SCUBE1: variants seen among roughly 807,000 people sequenced by gnomAD.
SCUBE1 encodes the protein signal peptide, CUB domain and EGF like domain containing 1, also known as signal peptide, CUB and EGF-like domain-containing protein 1.
In SCUBE1, 59 loss-of-function variants were observed where a neutral mutation model predicts 124.4. The observed-to-expected ratio is 0.47, with a 90% CI of 0.38 to 0.59. The LOEUF (loss-of-function observed/expected upper bound fraction) is 0.59. Among genes scored for constraint, SCUBE1 ranks in the 20% least tolerant of loss-of-function variants. The pLI is 0.00. For missense variants in SCUBE1, 1,150 were observed against 1,371.2 expected (o/e 0.84, Z 2.55); for synonymous variants, 545 against 550.9 (o/e 0.99, Z 0.15).
intron 3 of SCUBE1, among the ~76,000 whole-genome samples, chr22:43,316,631 C>T (rs1358579500): frequency 6.6e-6 from 1 of 152,178 alleles, no homozygotes; most frequent in Non-Finnish European, 1.5e-5. Context: ...AGGAGCTGAG[C>T]CTCAGGGGCT....
At chr22:43,222,819 G>A (rs1922152269) in intron 11 of SCUBE1, 77 bp from the exon 12 acceptor site, 4 of 1,178,846 alleles carry the variant, frequency 3.4e-6, no homozygotes, top group Non-Finnish European at 4.9e-6. Context: ...GGCCTCAGAG[G>A]GATTGTGGAG....
At chr22:43,249,212 T>G (rs1923338726) in intron 6 of SCUBE1, among the ~76,000 whole-genome samples, 1 of 149,462 alleles carries the variant, frequency 6.7e-6, no homozygotes, top group Non-Finnish European at 1.5e-5. Flanking sequence ...CAGGAGTGGG[T>G]GAATGTGCGG....
intron 4 of SCUBE1, among the ~76,000 whole-genome samples, chr22:43,276,839 A>G (rs1000558496): frequency 9.2e-5 from 14 of 151,922 alleles, no homozygotes; most frequent in African/African-American, 3.4e-4. Flanking sequence ...CTGCTACTTC[A>G]CTCTAGAACA....
intron 3 of SCUBE1, among the ~76,000 whole-genome samples, chr22:43,303,286 G>C (rs2269667): frequency 6.6e-6 from 1 of 152,150 alleles, no homozygotes; most frequent in Non-Finnish European, 1.5e-5. Flanking sequence ...GTATCCTTGA[G>C]CGTGAGCGTC....
intron 2 of SCUBE1, among the ~76,000 whole-genome samples, chr22:43,333,961 T>C (rs1926980782): frequency 2.6e-5 from 4 of 152,218 alleles, no homozygotes; most frequent in Admixed American, 2.6e-4. Context: ...GGGGAGAATG[T>C]GGCAGCCATG....
At chr22:43,232,472 A>C (rs1292644321) in intron 7 of SCUBE1, 2 of 154,204 alleles carry the variant, frequency 1.3e-5, no homozygotes, top group African/African-American at 4.8e-5. Context: ...TGAGGAGTAG[A>C]CTGAGGCTTA....
intron 6 of SCUBE1, among the ~76,000 whole-genome samples, chr22:43,247,296 A>G (rs2146694708): frequency 6.6e-6 from 1 of 152,306 alleles, no homozygotes; most frequent in Admixed American, 6.5e-5. Context: ...TAAATGAGAA[A>G]CTGAAGCTCA....
chr22:43,259,017 T>C (rs958929524), intron 5 of SCUBE1, among the ~76,000 whole-genome samples: 1 of 152,250 alleles, frequency 6.6e-6, no homozygotes, highest in African/African-American at 2.4e-5. Context: ...GCCTGTGGCC[T>C]GGAGGATCTG....
intron 3 of SCUBE1, among the ~76,000 whole-genome samples, chr22:43,306,728 C>A (rs953547646): frequency 1.3e-5 from 2 of 152,196 alleles, no homozygotes; most frequent in African/African-American, 4.8e-5. Flanking sequence ...GGAACACCAG[C>A]ATGCCCCTTT....
chr22:43,243,296 G>GC (rs1197361574), intron 6 of SCUBE1, among the ~76,000 whole-genome samples: 1 of 152,250 alleles, frequency 6.6e-6, no homozygotes, highest in African/African-American at 2.4e-5. Context: ...CTGGTGGGGA[G>GC]AGCGCTCACC....
At chr22:43,289,712 G>A (rs1347889211) in intron 4 of SCUBE1, among the ~76,000 whole-genome samples, 3 of 152,206 alleles carry the variant, frequency 2.0e-5, no homozygotes, top group African/African-American at 4.8e-5. Context: ...ATCTCTGAAC[G>A]CCCTGCCGGG....
chr22:43,211,042 G>A lies in SCUBE1; in HGVS notation c.2263C>T (p.Arg755Cys), dbSNP rs1300232691. The A allele has an allele frequency of 7.4e-6, 12 of 1,613,718 alleles. No homozygotes were observed. The Middle Eastern group carries it at 1.3e-3, about 177-fold the overall frequency. ...PGHHYNTTTH[R>C]CIRCPVGTYQ... is the part of the protein sequence containing the mutation. ...GTGCCGACGGGGCAGCGGATGCAGCGGTGGGTGGTGGTGTTGTAGTGGTGG... is the reference window on the plus strand; with the variant it reads ...GTGCCGACGGGGCAGCGGATGCAGCAGTGGGTGGTGGTGTTGTAGTGGTGG... Residue 755 changes from arginine to cysteine, a missense_variant, in exon 18 of 22, where the codon CGC (arginine) becomes TGC (cysteine). Transcript: ENST00000360835. The surrounding 1 kb of genome is among the most constrained non-coding windows in gnomAD (Gnocchi z 4.5).
intron 2 of SCUBE1, among the ~76,000 whole-genome samples, chr22:43,325,935 T>G (rs967334605): frequency 2.0e-5 from 3 of 151,584 alleles, no homozygotes; most frequent in Non-Finnish European, 4.4e-5. Flanking sequence ...GTGAGGTGTT[T>G]TTTTTTTTTT....
chr22:43,211,102 C>T lies in SCUBE1; in HGVS notation c.2222-19G>A, dbSNP rs757759556. 87 of 1,598,236 alleles carry T rather than the reference C, an allele frequency of 5.4e-5. No homozygotes were observed. Among genetic ancestry groups the T allele is most frequent in the Admixed American group, 3.5e-4 (20 of 56,906 alleles). Reference sequence around the variant, plus strand: ...CAGTGCACTGCCGGGGGACACAAGGCAGTGTGGTGGGTGTGGAGGGGTGCA... The same window carrying T: ...CAGTGCACTGCCGGGGGACACAAGGTAGTGTGGTGGGTGTGGAGGGGTGCA... On this transcript the variant is annotated intron_variant, in intron 17 of 21. Transcript: ENST00000360835. The surrounding 1 kb of genome is among the most constrained non-coding windows in gnomAD (Gnocchi z 4.5).
chr22:43,246,247 C>T (rs1923205932), intron 6 of SCUBE1, among the ~76,000 whole-genome samples: 1 of 152,158 alleles, frequency 6.6e-6, no homozygotes, highest in Non-Finnish European at 1.5e-5. Context: ...GTGAAGGGTG[C>T]TTAGGGCAGA....
intron 4 of SCUBE1, among the ~76,000 whole-genome samples, chr22:43,279,123 G>A (rs1924654882): frequency 6.6e-6 from 1 of 152,140 alleles, no homozygotes; most frequent in Non-Finnish European, 1.5e-5. Context: ...TAAGGGCAAG[G>A]GTTTCAGATA....
At position 43,201,303 on chromosome 22, in the gene SCUBE1, CAAAAAAAAAAAAA is replaced by C. The variant is rs756290447; in HGVS notation, c.*2681_*2693del. ...TGGGTGACAGAGCGAGACTCCATCT[CAAAAAAAAAAAAA>C]AAAAAAAAAAAGAAAACAAAAAAAG... On this transcript the variant is annotated 3_prime_UTR_variant, in exon 22 of 22. Coordinates refer to ENST00000360835, the MANE Select transcript of SCUBE1 (RefSeq NM_173050.5). 2.3e-5 allele frequency: 1 copy of C among 44,010 alleles called. No individual in the cohort carries two copies. Among genetic ancestry groups the C allele is most frequent in the African/African-American group, 8.3e-5 (1 of 12,020 alleles). 2.7% of individuals were successfully genotyped at this position (44,010 alleles called of 1,614,324 possible).
chr22:43,231,938 G>C, intron 7 of SCUBE1, 63 bp from the exon 8 acceptor site: 1 of 1,591,146 alleles, frequency 6.3e-7, no homozygotes, highest in Non-Finnish European at 8.6e-7. Flanking sequence ...TGACCAGCGG[G>C]GGGACGGCAG....
intron 6 of SCUBE1, among the ~76,000 whole-genome samples, chr22:43,241,842 G>C (rs75098179): frequency 3.9e-4 from 60 of 152,362 alleles, no homozygotes; most frequent in African/African-American, 1.4e-3. Flanking sequence ...TAAGAGCGCT[G>C]GGAGCCAGCA....
Sources: gnomAD v4.1 joint callset for allele counts (sites outside exome capture counted in the v4.1 genomes callset) on GRCh38, gnomAD v4.1.1 for gene constraint, Gnocchi (gnomAD v3.1) non-coding constraint, MANE v1.5 for transcripts, NCBI Gene and HGNC (gene_info 2026-07-23, HGNC 2026-07-21) for gene names.